The following IPCEF1 variants were observed in gnomAD, a reference collection of about 807,000 sequenced individuals.
IPCEF1 encodes interaction protein for cytohesin exchange factors 1.
A neutral mutation model predicts 50.9 loss-of-function variants in IPCEF1; 31 were observed. That is an observed-to-expected ratio of 0.61 (90% CI 0.46 to 0.82). The LOEUF (loss-of-function observed/expected upper bound fraction) is 0.82. Ranked by LOEUF, IPCEF1 falls within the 40% of genes least tolerant of loss-of-function variation. The pLI is 0.00. For missense variants in IPCEF1, 458 were observed against 514.0 expected, an observed-to-expected ratio of 0.89 and a Z score of 1.05; for synonymous variants, 181 against 192.0, an observed-to-expected ratio of 0.94 and a Z score of 0.47.
chr6:154,177,482 AT>A (rs1800437745), intron 10 of IPCEF1, among the ~76,000 whole-genome samples: 1 of 152,250 alleles, frequency 6.6e-6, no homozygotes, highest in Non-Finnish European at 1.5e-5. Flanking sequence ...GGCAAAGGAC[AT>A]GAACAGACAC....
intron 1 of IPCEF1, among the ~76,000 whole-genome samples, chr6:154,298,562 C>T (rs997140268): frequency 6.6e-6 from 1 of 152,174 alleles, no homozygotes; most frequent in Non-Finnish European, 1.5e-5. Flanking sequence ...TGAAAAATGA[C>T]TCAAACCCAA....
intron 1 of IPCEF1, among the ~76,000 whole-genome samples, chr6:154,313,561 A>G (rs1297170527): frequency 6.6e-6 from 1 of 152,150 alleles, no homozygotes; most frequent in Non-Finnish European, 1.5e-5. Flanking sequence ...TTTATTAAAG[A>G]AAGATGTTTT....
chr6:154,313,875 C>T (rs907297711), intron 1 of IPCEF1, among the ~76,000 whole-genome samples: 2 of 152,196 alleles, frequency 1.3e-5, no homozygotes, highest in Admixed American at 1.3e-4. Flanking sequence ...TCCCAAGTAG[C>T]TGAGACTACA....
At chr6:154,169,594 G>A (rs1799709781) in intron 10 of IPCEF1, among the ~76,000 whole-genome samples, 1 of 152,200 alleles carries the variant, frequency 6.6e-6, no homozygotes, top group Non-Finnish European at 1.5e-5. Flanking sequence ...CCCTTGGAGA[G>A]AAGAAACCTG....
intron 1 of IPCEF1, among the ~76,000 whole-genome samples, chr6:154,346,376 C>A (rs1784029723): frequency 6.6e-6 from 1 of 152,110 alleles, no homozygotes. Flanking sequence ...AAGTTGATAA[C>A]ACATTTTACT....
intron 2 of IPCEF1, among the ~76,000 whole-genome samples, chr6:154,276,017 T>C (rs1782047397): frequency 6.6e-6 from 1 of 151,992 alleles, no homozygotes; most frequent in Admixed American, 6.6e-5. Context: ...CCATCTCTAC[T>C]AAAAATACCA....
intron 2 of IPCEF1, among the ~76,000 whole-genome samples, chr6:154,273,636 T>A (rs567625860): frequency 1.3e-4 from 20 of 151,634 alleles, no homozygotes; most frequent in African/African-American, 4.6e-4. Flanking sequence ...TTTGGGGTTG[T>A]GACTTTGTTC....
chr6:154,218,359 G>C (rs575959892), intron 7 of IPCEF1, among the ~76,000 whole-genome samples: 6 of 152,274 alleles, frequency 3.9e-5, no homozygotes, highest in African/African-American at 1.4e-4. Context: ...ACTTACCCCT[G>C]TACTTTTAAA....
chr6:154,344,661 C>T (rs1021930106), intron 1 of IPCEF1, among the ~76,000 whole-genome samples: 4 of 152,174 alleles, frequency 2.6e-5, no homozygotes, highest in African/African-American at 4.8e-5. Flanking sequence ...ACAGATGGCG[C>T]CAGGGGAGAG....
At position 154,319,522 on chromosome 6, in the gene IPCEF1, TG is replaced by T. The variant is rs1783317807; in HGVS notation, c.-61-29767del. On this transcript the variant is annotated intron_variant, in intron 1 of 11. Coordinates refer to ENST00000367220, the MANE Select transcript of IPCEF1 (RefSeq NM_001130700.2). ...TTTTCCACATAAAGAAAACAGAAGATGATCCCCCGCCCCCAGGCCCTTTTTA... is the reference window on the plus strand; with the variant it reads ...TTTTCCACATAAAGAAAACAGAAGATATCCCCCGCCCCCAGGCCCTTTTTA... 4.6e-5 allele frequency among the ~76,000 whole-genome samples: 7 copies of T among 152,358 alleles called. No individual in the cohort carries two copies. In the South Asian group the frequency reaches 1.4e-3, roughly 32 times the overall value.
chr6:154,333,872 C>T (rs1043882411), intron 1 of IPCEF1, among the ~76,000 whole-genome samples: 8 of 151,910 alleles, frequency 5.3e-5, no homozygotes, highest in African/African-American at 1.7e-4. Flanking sequence ...CAGACTGCCC[C>T]TCCACCCTAA....
intron 2 of IPCEF1, among the ~76,000 whole-genome samples, chr6:154,266,583 T>TATATAC (rs1413490392): frequency 7.2e-6 from 1 of 139,248 alleles, no homozygotes; most frequent in East Asian, 2.0e-4. Flanking sequence ...TATATATATA[T>TATATAC]ATACACACAA....
intron 1 of IPCEF1, among the ~76,000 whole-genome samples, chr6:154,313,984 GCAATCTTC>G (rs1175334748): frequency 6.6e-6 from 1 of 152,030 alleles, no homozygotes; most frequent in Non-Finnish European, 1.5e-5. Context: ...CTGGCCTCAA[GCAATCTTC>G]CCATCTTGGC....
chr6:154,279,331 A>T (rs1359017867), intron 2 of IPCEF1, among the ~76,000 whole-genome samples: 1 of 152,216 alleles, frequency 6.6e-6, no homozygotes, highest in Non-Finnish European at 1.5e-5. Flanking sequence ...AAAGAAACTT[A>T]AAAAGGGTAT....
At chr6:154,231,330 C>A (rs1180820687) in intron 5 of IPCEF1, among the ~76,000 whole-genome samples, 3 of 152,226 alleles carry the variant, frequency 2.0e-5, no homozygotes, top group Non-Finnish European at 4.4e-5. Flanking sequence ...TGGAACTCAA[C>A]AGAAGGAAAC....
At chr6:154,310,974 T>C (rs1193314653) in intron 1 of IPCEF1, among the ~76,000 whole-genome samples, 2 of 152,130 alleles carry the variant, frequency 1.3e-5, no homozygotes, top group Non-Finnish European at 2.9e-5. Flanking sequence ...AATAATGTAT[T>C]GTATATTGCA....
chr6:154,195,384 T>G (rs1776528311), intron 10 of IPCEF1, among the ~76,000 whole-genome samples: 1 of 152,076 alleles, frequency 6.6e-6, no homozygotes, highest in African/African-American at 2.4e-5. Flanking sequence ...CCTGACCTTG[T>G]GATCCGCCCA....
Position 154,155,176 on chromosome 6 carries a change from A to G in IPCEF1, c.*4652T>C, listed in dbSNP as rs1798662697. The stretch of plus-strand genomic sequence containing the variant: ...CGTGTGTCTGCTCAATGCCTCATTC[A>G]AGGAGACGAGTGGCTTTCTGTGAGG... On this transcript the variant is annotated 3_prime_UTR_variant, in exon 12 of 12. Transcript: ENST00000367220. 1 of 152,162 alleles carries G rather than the reference A, an allele frequency of 6.6e-6. No homozygotes were observed. Among genetic ancestry groups the G allele is most frequent in the African/African-American group, 2.4e-5 (1 of 41,422 alleles). 9.4% of individuals were successfully genotyped at this position (152,162 alleles called of 1,614,324 possible).
intron 7 of IPCEF1, among the ~76,000 whole-genome samples, chr6:154,219,918 G>A (rs577572548): frequency 3.3e-5 from 5 of 152,158 alleles, no homozygotes; most frequent in South Asian, 4.1e-4. Context: ...GTGATGCTGG[G>A]GAGGTGAGGA....
Sources: gnomAD v4.1 joint callset for allele counts (sites outside exome capture counted in the v4.1 genomes callset) on GRCh38, gnomAD v4.1.1 for gene constraint, MANE v1.5 for transcripts, NCBI Gene and HGNC (gene_info 2026-07-23, HGNC 2026-07-21) for gene names.